MYO7A: variants seen among roughly 807,000 people sequenced by gnomAD.
The protein encoded by MYO7A is myosin VIIA.
In MYO7A, 210 loss-of-function variants were observed where a neutral mutation model predicts 263.8. That is an observed-to-expected ratio of 0.80 (90% confidence interval 0.71 to 0.89). The LOEUF is 0.89. MYO7A is among the 40% of genes least tolerant of loss of function. The pLI, the probability that MYO7A is intolerant of heterozygous loss-of-function variation, is 0.00. For synonymous variants in MYO7A, 1,239 were observed against 1,197.3 expected, an observed-to-expected ratio of 1.03 and a Z score of -0.72; for missense variants, 2,820 against 2,968.3, an observed-to-expected ratio of 0.95 and a Z score of 1.16.
At chr11:77,192,350 G>C in intron 31 of MYO7A, 72 bp downstream of exon 31, 1 of 1,467,886 alleles carries the variant, frequency 6.8e-7, no homozygotes, top group Non-Finnish European at 9.5e-7. Context: ...TGGGCTGAGT[G>C]CTCCTCTGTG....
intron 9 of MYO7A, among the ~76,000 whole-genome samples, chr11:77,159,028 C>G (rs1172813107): frequency 6.6e-6 from 1 of 152,198 alleles, no homozygotes; most frequent in Admixed American, 6.5e-5. Flanking sequence ...TCTTGAAAGA[C>G]TAAGAGACAC....
At chr11:77,206,804 A>G (rs1394208816) in intron 41 of MYO7A, among the ~76,000 whole-genome samples, 2 of 152,194 alleles carry the variant, frequency 1.3e-5, no homozygotes, top group African/African-American at 4.8e-5. Context: ...AGACTCAGAA[A>G]TGCCATAACA....
intron 12 of MYO7A, among the ~76,000 whole-genome samples, chr11:77,161,334 C>A (rs912064569): frequency 1.3e-5 from 2 of 152,096 alleles, no homozygotes; most frequent in East Asian, 1.9e-4. Context: ...GGAGGCTGTA[C>A]GCATCCTGAA....
At chr11:77,160,352 C>G in intron 11 of MYO7A, 70 bp downstream of exon 11, 1 of 1,513,680 alleles carries the variant, frequency 6.6e-7, no homozygotes. Flanking sequence ...TGGGCAGGTG[C>G]CAAGGAGTCC....
chr11:77,156,613 G>A (rs782809373), intron 5 of MYO7A, 47 bp from the exon 6 acceptor site: 2 of 1,605,488 alleles, frequency 1.2e-6, no homozygotes, highest in African/African-American at 2.7e-5. Context: ...AGTTGGTGGG[G>A]AGTCCCTGTG....
Position 77,142,731 on chromosome 11 carries a change from T to C in MYO7A, c.41T>C (p.Leu14Pro). The change falls in exon 3 of 49, where the codon CTG becomes CCG. Residue 14 changes from leucine to proline, a missense_variant. Coordinates refer to ENST00000409709, the MANE Select transcript of MYO7A (RefSeq NM_000260.4). Reference sequence around the variant, plus strand: ...TAGGGGGACCATGTGTGGATGGACCTGAGATTGGGGCAGGAGTTCGACGTG... The same window carrying C: ...TAGGGGGACCATGTGTGGATGGACCCGAGATTGGGGCAGGAGTTCGACGTG... ...LQQGDHVWMD[L>P]RLGQEFDVPI... 1 of 1,609,472 alleles carries C rather than the reference T, an allele frequency of 6.2e-7. No individual in the cohort carries two copies. The highest frequency in any genetic ancestry group is 8.5e-7 in the Non-Finnish European group (1 of 1,177,348).
At chr11:77,178,179 A>ATCTG (rs2135453767) in intron 19 of MYO7A, among the ~76,000 whole-genome samples, 5 of 1,408 alleles carry the variant, frequency 3.6e-3, no homozygotes, top group African/African-American at 6.2e-3. Context: ...CCGTCCGTTC[A>ATCTG]CCCACCCACC....
intron 14 of MYO7A, among the ~76,000 whole-genome samples, chr11:77,163,752 A>G (rs1197755361): frequency 6.6e-6 from 1 of 152,192 alleles, no homozygotes; most frequent in Admixed American, 6.5e-5. Context: ...GCATGTATCA[A>G]TTGCCCTCAT....
At chr11:77,199,470 T>C (rs1790962826) in intron 34 of MYO7A, 65 bp from the exon 35 acceptor site, 9 of 1,421,450 alleles carry the variant, frequency 6.3e-6, no homozygotes, top group Non-Finnish European at 8.3e-6. Context: ...GAGATGTGTC[T>C]GAGCTGGGCC....
At position 77,203,118 on chromosome 11, in the gene MYO7A, C is replaced by T. The variant is rs111033287; in HGVS notation, c.5227C>T (p.Arg1743Trp). Residue 1743 changes from arginine (R) to tryptophan (W), a missense_variant, in exon 38 of 49, where the codon CGG (arginine) becomes TGG (tryptophan). Arg to Trp is a moderately radical substitution (Grantham distance 101, BLOSUM62 -3). Transcript: ENST00000409709. ...GGTGTCCAAGGCCCGAGGCAAGGAC[C>T]GGCTGTGGAGCCACACGCGGGAACC... Reference protein sequence around the residue: ...VMVSKARGKDRLWSHTREPLK... With the variant: ...VMVSKARGKDWLWSHTREPLK... 2.6e-3 allele frequency: 3,978 copies of T among 1,549,698 alleles called. 13 individuals are homozygous for T. The highest frequency in any genetic ancestry group is 3.1e-3 in the Non-Finnish European group (3,561 of 1,147,358).
chr11:77,155,543 G>A (rs1298871646), intron 4 of MYO7A, among the ~76,000 whole-genome samples: 2 of 152,218 alleles, frequency 1.3e-5, no homozygotes, highest in Non-Finnish European at 2.9e-5. Context: ...AGGCGATGGT[G>A]GGAGACAGCA....
Position 77,204,233 on chromosome 11 carries a change from A to G in MYO7A, c.5480+4A>G. ...AGCTGACCGACAACCACATCAGGTG[A>G]GCCAGGCACAGTGGGCGGATGAGGG... On this transcript the variant is annotated splice_donor_region_variant and intron_variant, in intron 39 of 48. Coordinates refer to ENST00000409709, the MANE Select transcript of MYO7A (RefSeq NM_000260.4). 6.4e-7 allele frequency: 1 copy of G among 1,567,184 alleles called. No individual in the cohort carries two copies. Among genetic ancestry groups the G allele is most frequent in the Non-Finnish European group, 8.6e-7 (1 of 1,156,286 alleles).
At position 77,169,569 on chromosome 11, in the gene MYO7A, A is replaced by G. The variant is rs1480587203; in HGVS notation, c.1798-3179A>G. Among the ~76,000 whole-genome samples the G allele has an allele frequency of 5.9e-5, 9 of 152,146 alleles. No homozygotes were observed. The East Asian group carries it at 1.2e-3, about 19-fold the overall frequency. The stretch of plus-strand genomic sequence containing the variant: ...CCACCTTTACCCCATCCCCATCTGC[A>G]GATTATCCCAGAAAACAGCAAATAC... On this transcript the variant is annotated intron_variant, in intron 15 of 48. Coordinates refer to ENST00000409709, the MANE Select transcript of MYO7A (RefSeq NM_000260.4).
intron 2 of MYO7A, among the ~76,000 whole-genome samples, chr11:77,133,824 C>A (rs1166522887): frequency 6.6e-6 from 1 of 151,822 alleles, no homozygotes; most frequent in African/African-American, 2.4e-5. Context: ...CATTACTGCT[C>A]TTTTGTGTTT....
In MYO7A at chr11:77,213,005, T is replaced by C; in HGVS notation, c.6408T>C (p.Tyr2136=). 1 of 1,590,928 alleles carries C rather than the reference T, an allele frequency of 6.3e-7. No homozygotes were observed. The highest frequency in any genetic ancestry group is 2.3e-5 in the East Asian group (1 of 44,066). Reference sequence around the variant, plus strand: ...TCCTCCTAATTGCCATCAACAAGTATGGGGTCAGCCTCATCGATCCCAAAA... The same window carrying C: ...TCCTCCTAATTGCCATCAACAAGTACGGGGTCAGCCTCATCGATCCCAAAA... ...PEILLIAINK[Y]GVSLIDPKTK... The change falls in exon 47 of 49, where the codon TAT becomes TAC. Residue 2136 remains tyrosine (Y), a synonymous_variant. Transcript: ENST00000409709.
chr11:77,204,376 C>A (rs1957293858), intron 39 of MYO7A, 147 bp downstream of exon 39: 2 of 1,170,286 alleles, frequency 1.7e-6, no homozygotes, highest in Non-Finnish European at 2.4e-6. Context: ...CCCTCACATC[C>A]TAGCTTGGCC....
In MYO7A at chr11:77,210,898, T is replaced by TG. The variant is rs539207616; in HGVS notation, c.6052-248dup. The TG allele has an allele frequency of 1.6e-3, 749 of 462,742 alleles. 3 individuals carry two copies. Among genetic ancestry groups the TG allele is most frequent in the African/African-American group, 9.1e-3 (469 of 51,588 alleles). 28.7% of individuals were successfully genotyped at this position (462,742 alleles called of 1,614,324 possible). A position where few individuals can be genotyped will look rare whatever the true frequency, so the allele number is the denominator to read the frequency against. ...GGCTGCTCATCTCACTGGACTGTTA[T>TG]GGGGGGACATGAGGTAACAGACATG... On this transcript the variant is annotated intron_variant, in intron 44 of 48. Transcript: ENST00000409709.
rs773945008 is a variant in MYO7A, at chr11:77,211,904, G to A, written c.6321G>A (p.Trp2107Ter). The A allele has an allele frequency of 6.2e-6, 10 of 1,613,934 alleles. No homozygotes were observed. The highest frequency in any genetic ancestry group is 7.6e-6 in the Non-Finnish European group (9 of 1,179,824). ...KLAFLKLIFK[W>*]PTFGSAFFEV... ...CCTTCCTGAAGCTCATCTTCAAGTG[G>A]CCCACCTTTGGCTCAGCCTTCTTCG... Residue 2107 changes from tryptophan (W) to a stop codon, truncating the protein, a stop_gained, in exon 46 of 49, where the codon TGG becomes TGA. Transcript: ENST00000409709. LOFTEE classifies it high-confidence loss of function.
chr11:77,175,294 C>G, intron 17 of MYO7A, 78 bp from the exon 18 acceptor site: 3 of 1,361,188 alleles, frequency 2.2e-6, no homozygotes, highest in Non-Finnish European at 3.1e-6. Flanking sequence ...AGCCCTGCCT[C>G]TCAGCCTCGG....
Sources: gnomAD v4.1 joint callset for allele counts (sites outside exome capture counted in the v4.1 genomes callset) on GRCh38, gnomAD v4.1.1 for gene constraint, MANE v1.5 for transcripts, NCBI Gene and HGNC (gene_info 2026-07-23, HGNC 2026-07-21) for gene names.